Variants in DNAH5 observed in about 807,000 individuals in gnomAD.
DNAH5 encodes the protein dynein axonemal heavy chain 5.
DNAH5 carries 372 observed loss-of-function variants against 518.2 expected under a neutral mutation model. The observed-to-expected ratio is 0.72, with a 90% confidence interval of 0.66 to 0.78. The LOEUF is 0.78. Among genes scored for constraint, DNAH5 ranks in the 30% least tolerant of loss-of-function variants. The pLI is 0.00. For synonymous variants in DNAH5, 2,039 were observed against 2,025.9 expected (o/e 1.01, Z -0.17); for missense variants, 5,523 against 5,687.0 (o/e 0.97, Z 0.93).
At chr5:13,887,871 G>A (rs114929486) in intron 17 of DNAH5, among the ~76,000 whole-genome samples, 2,357 of 152,098 alleles carry the variant, frequency 0.015, 31 homozygotes, top group Non-Finnish European at 0.022. Flanking sequence ...TTGGCACTGG[G>A]AATTCATGGT....
chr5:13,951,243 G>A (rs1349570960), intron 1 of DNAH5, among the ~76,000 whole-genome samples: 54 of 97,830 alleles, frequency 5.5e-4, no homozygotes, highest in Non-Finnish European at 8.7e-4. Flanking sequence ...TTGAAGCAGG[G>A]TCTTGCTCTG....
In DNAH5 at chr5:13,765,286, C is replaced by T. The variant is rs567888089; in HGVS notation, c.10101+690G>A. ...ACACACAGTACAGCACATTTATATA[C>T]TGGCAAACTATATAACAATGAAAAA... On this transcript the variant is annotated intron_variant, in intron 59 of 78. Transcript: ENST00000265104. Among the ~76,000 whole-genome samples, 15 of 152,108 alleles carry T rather than the reference C, an allele frequency of 9.9e-5. No individual in the cohort carries two copies. In the South Asian group the frequency reaches 2.9e-3, roughly 29 times the overall value.
intron 2 of DNAH5, among the ~76,000 whole-genome samples, chr5:13,929,863 G>C (rs1026395476): frequency 6.6e-6 from 1 of 152,152 alleles, no homozygotes; most frequent in Non-Finnish European, 1.5e-5. Context: ...GTCTGAATTG[G>C]GAAGCAGGGT....
intron 22 of DNAH5, among the ~76,000 whole-genome samples, chr5:13,872,502 G>A (rs1158109198): frequency 1.3e-5 from 2 of 152,006 alleles, no homozygotes; most frequent in Non-Finnish European, 2.9e-5. Context: ...ATGTTTCTAG[G>A]TATTTTTCAA....
intron 52 of DNAH5, among the ~76,000 whole-genome samples, chr5:13,782,989 T>C (rs1202107647): frequency 6.6e-6 from 1 of 152,160 alleles, no homozygotes; most frequent in African/African-American, 2.4e-5. Context: ...GGACAGAGGC[T>C]GGGGTCATGA....
At chr5:13,884,940 C>T in intron 19 of DNAH5, 49 bp downstream of exon 19, 1 of 1,612,952 alleles carries the variant, frequency 6.2e-7, no homozygotes, top group Non-Finnish European at 8.5e-7. Context: ...ACACATACCC[C>T]AGCAACTATG....
At chr5:13,783,989 G>C (rs984304847) in intron 52 of DNAH5, among the ~76,000 whole-genome samples, 2 of 152,170 alleles carry the variant, frequency 1.3e-5, no homozygotes, top group African/African-American at 2.4e-5. Context: ...GAGAGTGAGA[G>C]AAAACACCAG....
chr5:13,729,199 G>T (rs989969541), intron 69 of DNAH5, among the ~76,000 whole-genome samples: 53 of 152,054 alleles, frequency 3.5e-4, no homozygotes, highest in African/African-American at 1.3e-3. Context: ...CTAACATATG[G>T]CCCAGGATGG....
intron 68 of DNAH5, among the ~76,000 whole-genome samples, chr5:13,730,372 A>G (rs1746317938): frequency 6.6e-6 from 1 of 152,272 alleles, no homozygotes; most frequent in Admixed American, 6.5e-5. Context: ...GATAAAATAT[A>G]CTATTTAATA....
intron 43 of DNAH5, among the ~76,000 whole-genome samples, chr5:13,812,135 G>C (rs1760798280): frequency 6.6e-6 from 1 of 152,124 alleles, no homozygotes; most frequent in Non-Finnish European, 1.5e-5. Flanking sequence ...GACCCAGAAA[G>C]CCTGGGCCTA....
At chr5:13,741,668 T>C (rs1221982619) in intron 65 of DNAH5, among the ~76,000 whole-genome samples, 1 of 152,176 alleles carries the variant, frequency 6.6e-6, no homozygotes, top group Non-Finnish European at 1.5e-5. Flanking sequence ...TTTATTGCCA[T>C]ATTTATAAAT....
chr5:13,748,200 A>G (rs1054991831), intron 65 of DNAH5, among the ~76,000 whole-genome samples: 3 of 151,958 alleles, frequency 2.0e-5, no homozygotes, highest in Non-Finnish European at 4.4e-5. Flanking sequence ...GATGTGTGGT[A>G]TTATTTCTGA....
intron 41 of DNAH5, among the ~76,000 whole-genome samples, chr5:13,819,257 C>A (rs1761914657): frequency 6.6e-6 from 1 of 152,134 alleles, no homozygotes; most frequent in African/African-American, 2.4e-5. Flanking sequence ...ACATGAAAAA[C>A]CACGTGATAA....
At chr5:13,982,585 T>C in intron 1 of DNAH5, among the ~76,000 whole-genome samples, 1 of 134,354 alleles carries the variant, frequency 7.4e-6, no homozygotes, top group South Asian at 2.7e-4. Flanking sequence ...CACTATTGCA[T>C]GAGTAGACAT....
chr5:13,905,235 T>C (rs898589048), intron 12 of DNAH5, among the ~76,000 whole-genome samples: 3 of 152,234 alleles, frequency 2.0e-5, no homozygotes, highest in African/African-American at 7.2e-5. Flanking sequence ...TGTTGAAATT[T>C]AATTGCCATT....
intron 45 of DNAH5, among the ~76,000 whole-genome samples, chr5:13,809,790 A>G (rs1210151475): frequency 2.6e-5 from 4 of 152,192 alleles, no homozygotes; most frequent in Admixed American, 6.5e-5. Context: ...GAGTGACAGA[A>G]ATGGATCTGA....
rs1740599835 is a variant in DNAH5 at position 13,690,537 on chromosome 5, AAT to A, written c.*1445_*1446del. ...CTAACTCTCATGATCATGAGCATGA[AAT>A]AATGATCCTGGTCCACAGAATGAAG... On this transcript the variant is annotated 3_prime_UTR_variant, in exon 79 of 79. Transcript: ENST00000265104. The A allele has an allele frequency of 6.6e-6, 1 of 152,312 alleles. No individual in the cohort carries two copies. Among genetic ancestry groups the A allele is most frequent in the Admixed American group, 6.5e-5 (1 of 15,304 alleles). 9.4% of individuals were successfully genotyped at this position (152,312 alleles called of 1,614,324 possible).
intron 76 of DNAH5, 69 bp from the exon 77 acceptor site, chr5:13,701,505 ACTG>A: frequency 7.4e-7 from 1 of 1,342,526 alleles, no homozygotes; most frequent in Non-Finnish European, 1.0e-6. Context: ...AGCTATGTTC[ACTG>A]AAAAAAAAAA....
chr5:13,956,686 C>G (rs555900899), intron 1 of DNAH5, among the ~76,000 whole-genome samples: 7 of 152,310 alleles, frequency 4.6e-5, no homozygotes, highest in African/African-American at 1.7e-4. Context: ...CCTCTATTAG[C>G]AGAGACCGAA....
Sources: allele counts gnomAD v4.1 joint callset (sites outside exome capture counted in the v4.1 genomes callset), GRCh38; gene constraint gnomAD v4.1.1; transcripts MANE v1.5; gene names NCBI Gene and HGNC (gene_info 2026-07-23, HGNC 2026-07-21).